Variants in DMD observed in about 807,000 individuals in gnomAD.
DMD encodes mutant dystrophin.
In DMD, 63 loss-of-function variants were observed where a neutral mutation model predicts 330.1. That is an observed-to-expected ratio of 0.19 (90% CI 0.16 to 0.24). DMD has a LOEUF of 0.24. Ranked by LOEUF, DMD falls within the 10% of genes least tolerant of loss-of-function variation. The probability of loss-of-function intolerance (pLI) is 1.00; values close to 1 mark genes in which losing one functional copy is unlikely to be tolerated. For missense variants in DMD, 3,344 were observed against 2,684.1 expected (o/e 1.25, Z -5.43); for synonymous variants, 1,223 against 959.8 (o/e 1.27, Z -5.07).
chrX:32,285,663 G>A (rs944320644), intron 43 of DMD, among the ~76,000 whole-genome samples: 2 of 110,420 alleles, frequency 1.8e-5, no homozygotes, highest in Non-Finnish European at 3.8e-5. Flanking sequence ...TGTGGGACCA[G>A]CTATTTTCAA....
chrX:32,888,628 C>T (rs2084898528), intron 2 of DMD, among the ~76,000 whole-genome samples: 1 of 111,567 alleles, frequency 9.0e-6, no homozygotes, highest in African/African-American at 3.3e-5. Flanking sequence ...AAAAATAGAA[C>T]TACCATACAA....
At chrX:32,301,153 T>C (rs2097522095) in intron 42 of DMD, among the ~76,000 whole-genome samples, 2 of 105,379 alleles carry the variant, frequency 1.9e-5, no homozygotes, top group Non-Finnish European at 3.9e-5. Context: ...CATCATATTG[T>C]TTTACACAGG....
At chrX:31,833,273 G>GGAGAGAGAGA (rs1248049970) in intron 49 of DMD, among the ~76,000 whole-genome samples, 4 of 49,837 alleles carry the variant, frequency 8.0e-5, no homozygotes, top group Non-Finnish European at 1.3e-4. Context: ...GGAGGAAGGG[G>GGAGAGAGAGA]GAGAGAGAGA....
intron 1 of DMD, among the ~76,000 whole-genome samples, chrX:33,186,619 T>A (rs1205308769): frequency 9.0e-6 from 1 of 111,572 alleles, no homozygotes; most frequent in Non-Finnish European, 1.9e-5. Flanking sequence ...AAACTAAAAA[T>A]AAGTTTAAAA....
At chrX:32,776,675 A>T (rs7053782) in intron 7 of DMD, among the ~76,000 whole-genome samples, 9,145 of 102,600 alleles carry the variant, frequency 0.089, 963 homozygotes, top group African/African-American at 0.3. Flanking sequence ...TCCCACCAGG[A>T]CCCTCCCTCT....
At chrX:32,827,311 G>A (rs956091713) in intron 4 of DMD, among the ~76,000 whole-genome samples, 6 of 111,213 alleles carry the variant, frequency 5.4e-5, no homozygotes, top group African/African-American at 2.0e-4. Flanking sequence ...ATGAAGAAAA[G>A]TATCAGGTGG....
chrX:32,061,795 A>G (rs1244868597), intron 44 of DMD, among the ~76,000 whole-genome samples: 2 of 111,359 alleles, frequency 1.8e-5, no homozygotes, highest in Non-Finnish European at 3.8e-5. Context: ...CAACACCACG[A>G]AAGATTGTTT....
intron 1 of DMD, among the ~76,000 whole-genome samples, chrX:33,338,734 ATGAC>A (rs1377046895): frequency 2.7e-5 from 3 of 111,583 alleles, no homozygotes; most frequent in African/African-American, 6.5e-5. Context: ...ATAATGCAGA[ATGAC>A]TGAATAAATG....
At position 31,476,416 on chromosome X, in the gene DMD, T is replaced by TACACAC. The variant is rs1237338648; in HGVS notation, c.8937+1689_8937+1690insGTGTGT. On this transcript the variant is annotated intron_variant, in intron 59 of 78. Transcript: ENST00000357033. ...GTGTGTGTATATATATATATATATA[T>TACACAC]ATATACACACACACACACACATACT... Among the ~76,000 whole-genome samples, 5 of 98,789 alleles carry TACACAC rather than the reference T, an allele frequency of 5.1e-5. No homozygotes were observed. The East Asian group carries it at 1.6e-3, about 32-fold the overall frequency. The allele number at this position is 98,789 out of a possible 115,157, so 85.8% of individuals were successfully genotyped here.
At chrX:33,010,195 T>C (rs1488948412) in intron 2 of DMD, among the ~76,000 whole-genome samples, 2 of 106,547 alleles carry the variant, frequency 1.9e-5, no homozygotes, top group Admixed American at 1.0e-4. Flanking sequence ...TGTATGTATA[T>C]ATGCATATGT....
intron 60 of DMD, among the ~76,000 whole-genome samples, chrX:31,366,507 A>AAAAT (rs1341460612): frequency 1.2e-5 from 1 of 85,901 alleles, no homozygotes; most frequent in African/African-American, 4.6e-5. Context: ...CATAAAAAAA[A>AAAAT]AAATAAATAA....
chrX:32,469,551 C>T (rs1187000989), intron 22 of DMD, among the ~76,000 whole-genome samples: 1 of 110,689 alleles, frequency 9.0e-6, no homozygotes, highest in Non-Finnish European at 1.9e-5. Context: ...TCATAGTATC[C>T]TATGCCTATT....
At chrX:31,529,381 T>A (rs945978091) in intron 55 of DMD, among the ~76,000 whole-genome samples, 1 of 110,296 alleles carries the variant, frequency 9.1e-6, no homozygotes, top group Non-Finnish European at 1.9e-5. Flanking sequence ...CAAGACTCTG[T>A]CTCTAAAATA....
At chrX:32,182,128 G>A (rs1359597427) in intron 44 of DMD, among the ~76,000 whole-genome samples, 1 of 111,644 alleles carries the variant, frequency 9.0e-6, no homozygotes, top group East Asian at 2.8e-4. Context: ...GCAAAGCTTT[G>A]TCCATTATGC....
At chrX:31,510,246 G>C (rs1261204791) in intron 55 of DMD, among the ~76,000 whole-genome samples, 1 of 111,516 alleles carries the variant, frequency 9.0e-6, no homozygotes. Flanking sequence ...AAGCCATATA[G>C]CTGATAAGTG....
chrX:31,859,351 C>A (rs1040801665), intron 48 of DMD, among the ~76,000 whole-genome samples: 4 of 111,474 alleles, frequency 3.6e-5, no homozygotes, highest in Non-Finnish European at 7.5e-5. Context: ...TTTCTCACTG[C>A]CCAGTATGGG....
At chrX:32,160,433 C>T (rs2096845396) in intron 44 of DMD, among the ~76,000 whole-genome samples, 1 of 109,915 alleles carries the variant, frequency 9.1e-6, no homozygotes, top group Non-Finnish European at 1.9e-5. Flanking sequence ...GGGGGTTTTA[C>T]CACGTTGGCC....
intron 60 of DMD, among the ~76,000 whole-genome samples, chrX:31,408,333 T>C (rs767271745): frequency 1.9e-4 from 21 of 112,353 alleles, no homozygotes; most frequent in Non-Finnish European, 3.6e-4. Flanking sequence ...GGATCTGTTT[T>C]CTCTATTAAG....
intron 9 of DMD, among the ~76,000 whole-genome samples, chrX:32,664,213 C>T (rs2061135815): frequency 9.3e-6 from 1 of 107,994 alleles, no homozygotes; most frequent in African/African-American, 3.4e-5. Context: ...TGGATATATA[C>T]CTGGTTAAGG....
Sources: allele counts gnomAD v4.1 joint callset (sites outside exome capture counted in the v4.1 genomes callset), GRCh38; gene constraint gnomAD v4.1.1; transcripts MANE v1.5; gene names NCBI Gene and HGNC (gene_info 2026-07-23, HGNC 2026-07-21).